Variants in POLR2F observed in about 807,000 individuals in gnomAD.
The protein encoded by POLR2F is RNA polymerase II, I and III subunit F.
Under a neutral mutation model 22.7 loss-of-function variants are expected in POLR2F, and 12 were observed. That is an observed-to-expected ratio of 0.53 (90% CI 0.34 to 0.86). The LOEUF is 0.86. Among genes scored for constraint, POLR2F ranks in the 40% least tolerant of loss-of-function variants. The pLI, the probability that POLR2F is intolerant of heterozygous loss-of-function variation, is 0.02. For synonymous variants in POLR2F, 57 were observed against 66.0 expected (o/e 0.86, Z 0.66); for missense variants, 126 against 171.5 (o/e 0.73, Z 1.48).
chr22:37,997,631 C>T lies in POLR2F; in HGVS notation c.120+11319C>T, dbSNP rs2084727510. 6.6e-6 allele frequency among the ~76,000 whole-genome samples: 1 copy of T among 152,098 alleles called. No homozygotes were observed. The highest frequency in any genetic ancestry group is 2.4e-5 in the African/African-American group (1 of 41,396). ...GGCTTGTGGCAACCTGCAGTCTTCC[C>T]CACCTGGCTCCAGCCTACCTTCCCC... On this transcript the variant is annotated intron_variant, in intron 1 of 2. Coordinates refer to the POLR2F transcript ENST00000333418. This position sits in a 1 kb window ranked among gnomAD's most constrained non-coding sequence, Gnocchi z 4.4.
At chr22:38,041,338 G>A, downstream of POLR2F, 1 of 559,306 alleles carries the variant, frequency 1.8e-6, no homozygotes, top group Non-Finnish European at 3.2e-6. Context: ...CCTGAGTGAG[G>A]GACACAGCAG....
downstream of POLR2F, among the ~76,000 whole-genome samples, chr22:38,028,833 G>A (rs1047087972): frequency 6.6e-6 from 1 of 152,288 alleles, no homozygotes; most frequent in East Asian, 1.9e-4. Flanking sequence ...CCCTCCACCC[G>A]CACTGTGATA....
intron 2 of POLR2F, among the ~76,000 whole-genome samples, chr22:37,959,027 GATACCACCCCATCTCC>G (rs753848981): frequency 6.6e-6 from 1 of 152,074 alleles, no homozygotes; most frequent in Non-Finnish European, 1.5e-5. Flanking sequence ...CCAACATTCT[GATACCACCCCATCTCC>G]AGGCCCTCTG....
intron 3 of POLR2F, among the ~76,000 whole-genome samples, chr22:37,961,666 A>T (rs1245554755): frequency 6.6e-6 from 1 of 152,222 alleles, no homozygotes; most frequent in Admixed American, 6.5e-5. Context: ...CTCTGCCAAC[A>T]GATGGCTTTG....
At chr22:38,030,611 G>A (rs865894913), downstream of POLR2F, among the ~76,000 whole-genome samples, 6 of 152,180 alleles carry the variant, frequency 3.9e-5, no homozygotes, top group African/African-American at 1.4e-4. Context: ...GTACTCTGTG[G>A]TTTGTCCAAG....
chr22:37,954,002 C>G lies in POLR2F; in HGVS notation c.20+195C>G, dbSNP rs1008569806. The G allele has an allele frequency of 1.6e-5, 10 of 634,866 alleles. No homozygotes were observed. The East Asian group carries it at 2.5e-4, about 16-fold the overall frequency. The allele number at this position is 634,866 out of a possible 1,614,324, so 39.3% of individuals were successfully genotyped here. ...CCCCGGCTGGAGGCACAGGAGGGCCCAGGCTCGAGGGTCCAGAGGGGATCC... is the reference window on the plus strand; with the variant it reads ...CCCCGGCTGGAGGCACAGGAGGGCCGAGGCTCGAGGGTCCAGAGGGGATCC... On this transcript the variant is annotated intron_variant, in intron 1 of 4. Transcript: ENST00000442738.
intron 1 of POLR2F, among the ~76,000 whole-genome samples, chr22:38,008,417 C>T (rs538165645): frequency 5.9e-5 from 9 of 151,352 alleles, no homozygotes; most frequent in Middle Eastern, 6.8e-3. Context: ...TGGTGGTGCA[C>T]GCCTATAATC....
rs2145751354 is a variant in POLR2F at position 37,967,852 on chromosome 22, T to TA, written c.*138dup. Reference sequence around the variant, plus strand: ...ATGTCACCACCTGTTGCTTCCCCGTTACCGCCATGCTGCGTGGAGCATGCA... The same window carrying TA: ...ATGTCACCACCTGTTGCTTCCCCGTTAACCGCCATGCTGCGTGGAGCATGCA... On this transcript the variant is annotated 3_prime_UTR_variant, in exon 5 of 5. Transcript: ENST00000442738. 3 of 1,425,198 alleles carry TA rather than the reference T, an allele frequency of 2.1e-6. No homozygotes were observed. Among genetic ancestry groups the TA allele is most frequent in the Middle Eastern group, 2.3e-4 (1 of 4,368 alleles). The allele number at this position is 1,425,198 out of a possible 1,614,324, so 88.3% of individuals were successfully genotyped here. A position where few individuals can be genotyped will look rare whatever the true frequency, so the allele number is the denominator to read the frequency against.
intron 4 of POLR2F, among the ~76,000 whole-genome samples, chr22:37,977,399 C>T (rs1932253702): frequency 6.6e-6 from 1 of 151,574 alleles, no homozygotes; most frequent in African/African-American, 2.4e-5. Flanking sequence ...CGGCTCACTG[C>T]AAGCTCCGCC....
At chr22:37,970,293 C>CAA (rs139881), downstream of POLR2F, among the ~76,000 whole-genome samples, 858 of 132,556 alleles carry the variant, frequency 6.5e-3, 16 homozygotes, top group African/African-American at 0.021. Flanking sequence ...GACTCCGTCT[C>CAA]AAAAAAAAAA....
At chr22:38,031,176 G>T (rs895169296), downstream of POLR2F, among the ~76,000 whole-genome samples, 1 of 152,144 alleles carries the variant, frequency 6.6e-6, no homozygotes, top group East Asian at 1.9e-4. The surrounding 1 kb of genome is among the most constrained non-coding windows in gnomAD (Gnocchi z 4.1). Flanking sequence ...GGTTAAGAGC[G>T]AGAGTTTGGG....
At chr22:37,973,659 C>T (rs1368705542), downstream of POLR2F, 1 of 1,613,616 alleles carries the variant, frequency 6.2e-7, no homozygotes, top group Admixed American at 1.7e-5. Flanking sequence ...CCCGAGTGGC[C>T]ATAATAGGGT....
chr22:37,982,159 C>A (rs934832794), upstream of POLR2F, among the ~76,000 whole-genome samples: 1 of 152,194 alleles, frequency 6.6e-6, no homozygotes, highest in Non-Finnish European at 1.5e-5. Flanking sequence ...CTGACCACTC[C>A]TCAAAGTGTA....
chr22:38,027,931 G>A (rs1455930687), downstream of POLR2F, among the ~76,000 whole-genome samples: 1 of 152,130 alleles, frequency 6.6e-6, no homozygotes, highest in Non-Finnish European at 1.5e-5. Context: ...ACAAGGTGGC[G>A]CTGTTACCCG....
In POLR2F at chr22:37,986,504, C is replaced by T. The variant is rs1221183009; in HGVS notation, c.120+192C>T. 9 of 1,279,848 alleles carry T rather than the reference C, an allele frequency of 7.0e-6. No homozygotes were observed. The highest frequency in any genetic ancestry group is 9.9e-6 in the Non-Finnish European group (9 of 913,660). The allele number at this position is 1,279,848 out of a possible 1,614,324, so 79.3% of individuals were successfully genotyped here. A position where few individuals can be genotyped will look rare whatever the true frequency, so the allele number is the denominator to read the frequency against. On this transcript the variant is annotated intron_variant, in intron 1 of 2. Coordinates refer to the POLR2F transcript ENST00000333418. The surrounding 1 kb of genome is among the most constrained non-coding windows in gnomAD (Gnocchi z 4.7). ...TGCCCCCTCTCTAACTCCCTGCTTC[C>T]TCCTTTGCCCTCCTTGGTCCAGCTG... is the stretch of plus-strand genomic sequence containing the variant.
downstream of POLR2F, chr22:38,041,107 C>T (rs534127422): frequency 2.9e-5 from 47 of 1,612,888 alleles, no homozygotes; most frequent in African/African-American, 1.9e-4. Flanking sequence ...CCTGAAGCCC[C>T]GTGAACAATG....
chr22:37,972,095 A>G (rs1334950870), downstream of POLR2F: 112 of 172,294 alleles, frequency 6.5e-4, no homozygotes, highest in South Asian at 2.0e-3. Flanking sequence ...GGGAGGGGGG[A>G]GAGAGAGAGA....
intron 1 of POLR2F, among the ~76,000 whole-genome samples, chr22:37,994,562 A>T (rs2084693510): frequency 6.6e-6 from 1 of 152,120 alleles, no homozygotes; most frequent in Admixed American, 6.6e-5. Context: ...TCTGTCGCCC[A>T]GGCTGGAGTG....
At chr22:38,004,471 T>C (rs1235604047) in intron 1 of POLR2F, among the ~76,000 whole-genome samples, 1 of 152,180 alleles carries the variant, frequency 6.6e-6, no homozygotes. Flanking sequence ...GCTTTCTACC[T>C]ATAAGACATG....
Sources: allele counts gnomAD v4.1 joint callset (sites outside exome capture counted in the v4.1 genomes callset), GRCh38; gene constraint gnomAD v4.1.1; non-coding constraint Gnocchi (gnomAD v3.1); transcripts MANE v1.5; gene names NCBI Gene and HGNC (gene_info 2026-07-23, HGNC 2026-07-21).